Variants in PCDHGA6 observed in about 807,000 individuals in gnomAD.
The protein encoded by PCDHGA6 is protocadherin gamma-A6.
A neutral mutation model predicts 60.6 loss-of-function variants in PCDHGA6; 41 were observed. The observed-to-expected ratio is 0.68, with a 90% CI of 0.53 to 0.88. The LOEUF is 0.88. Ranked by LOEUF, PCDHGA6 falls within the 40% of genes least tolerant of loss-of-function variation. The pLI, the probability that PCDHGA6 is intolerant of heterozygous loss-of-function variation, is 0.00. For synonymous variants in PCDHGA6, 594 were observed against 524.4 expected (o/e 1.13, Z -1.81); for missense variants, 1,312 against 1,203.0 (o/e 1.09, Z -1.34).
At chr5:141,419,713 C>T in intron 1 of PCDHGA6, 1 of 1,613,264 alleles carries the variant, frequency 6.2e-7, no homozygotes, top group East Asian at 2.2e-5. Context: ...GGCTCTTCAG[C>T]CTGGGGCTGC....
In PCDHGA6 at chr5:141,432,612, C is replaced by T. The variant is rs752901891; in HGVS notation, c.2424+56105C>T. 1.9e-6 allele frequency: 3 copies of T among 1,613,912 alleles called. No individual in the cohort carries two copies. The highest frequency in any genetic ancestry group is 2.5e-6 in the Non-Finnish European group (3 of 1,179,970). On this transcript the variant is annotated intron_variant, in intron 1 of 3. Transcript: ENST00000517434. The surrounding 1 kb of genome is among the most constrained non-coding windows in gnomAD (Gnocchi z 6.0). ...AAGGCCAGCGAGCCGGGACTCTTCT[C>T]GGTGGGTCTGCACACGGGCGAGGTG...
At chr5:141,437,016 T>G (rs1025489534) in intron 1 of PCDHGA6, among the ~76,000 whole-genome samples, 1 of 152,254 alleles carries the variant, frequency 6.6e-6, no homozygotes, top group Non-Finnish European at 1.5e-5. Flanking sequence ...TTAGATAATT[T>G]CACCAGAAAA....
At chr5:141,478,044 C>T in intron 1 of PCDHGA6, 2 of 1,614,184 alleles carry the variant, frequency 1.2e-6, no homozygotes, top group South Asian at 1.1e-5. Flanking sequence ...CCCAGGCAGA[C>T]TCTCACGGTC....
intron 1 of PCDHGA6, chr5:141,415,994 C>G: frequency 6.6e-6 from 2 of 303,006 alleles, no homozygotes; most frequent in East Asian, 6.9e-5. Context: ...GTTCTGAAGG[C>G]AGGTCTGGTA....
chr5:141,409,231 C>T (rs756486864), intron 1 of PCDHGA6: 7 of 1,613,926 alleles, frequency 4.3e-6, no homozygotes, highest in Admixed American at 3.3e-5. Flanking sequence ...AAAACGACAA[C>T]AGCCCAGAAA....
chr5:141,397,695 C>T lies in PCDHGA6; in HGVS notation c.2424+21188C>T, dbSNP rs146807025. ...AATGTATGCAGGTTTGTATAAAAAC[C>T]CAACGTGATATTTCTAACAATTTGG... On this transcript the variant is annotated intron_variant, in intron 1 of 3. Coordinates refer to ENST00000517434, the MANE Select transcript of PCDHGA6 (RefSeq NM_018919.3). 1.4e-3 allele frequency among the ~76,000 whole-genome samples: 211 copies of T among 152,210 alleles called. 1 individual carries two copies. Among genetic ancestry groups the T allele is most frequent in the African/African-American group, 4.7e-3 (197 of 41,534 alleles).
chr5:141,422,807 G>C (rs199507728), intron 1 of PCDHGA6: 7 of 1,614,198 alleles, frequency 4.3e-6, no homozygotes, highest in Non-Finnish European at 5.9e-6. Context: ...GAGCAGTTTC[G>C]AGACTTAGAA....
rs191844335 is a variant in PCDHGA6 at position 141,394,289 on chromosome 5, C to A, written c.2424+17782C>A. ...ATGCCCAGGTCACTTACTCTGTGAC[C>A]GAGGACACGCTGCAGGGGGCGCCCC... On this transcript the variant is annotated intron_variant, in intron 1 of 3. Coordinates refer to ENST00000517434, the MANE Select transcript of PCDHGA6 (RefSeq NM_018919.3). The A allele has an allele frequency of 3.8e-5, 61 of 1,613,954 alleles. 1 individual carries two copies. In the African/African-American group the frequency reaches 6.0e-4, roughly 16 times the overall value.
At chr5:141,384,360 C>A in intron 1 of PCDHGA6, 1 of 1,613,902 alleles carries the variant, frequency 6.2e-7, no homozygotes, top group Non-Finnish European at 8.5e-7. Context: ...ATGCCCAGAT[C>A]ACTTATTCCT....
chr5:141,492,998 C>A (rs2154589328), intron 1 of PCDHGA6, among the ~76,000 whole-genome samples: 1 of 152,334 alleles, frequency 6.6e-6, no homozygotes, highest in Admixed American at 6.5e-5. Flanking sequence ...AGATGGAAAG[C>A]TATAGGCTCT....
At chr5:141,496,146 G>A (rs749790409) in intron 2 of PCDHGA6, among the ~76,000 whole-genome samples, 1 of 151,170 alleles carries the variant, frequency 6.6e-6, no homozygotes, top group Non-Finnish European at 1.5e-5. Flanking sequence ...GCCTTTGATC[G>A]CAGCTCTCCA....
At position 141,477,020 on chromosome 5, in the gene PCDHGA6, G is replaced by A; in HGVS notation, c.2425-17787G>A. The A allele has an allele frequency of 6.2e-7, 1 of 1,614,224 alleles. No individual in the cohort carries two copies. Among genetic ancestry groups the A allele is most frequent in the Non-Finnish European group, 8.5e-7 (1 of 1,180,048 alleles). ...ACTATTCGCCTTAGACCTTGTAACC[G>A]GGATGCTGACAATCAAGGGTCGGCT... On this transcript the variant is annotated intron_variant, in intron 1 of 3. Transcript: ENST00000517434. This position sits in a 1 kb window ranked among gnomAD's most constrained non-coding sequence, Gnocchi z 4.9.
chr5:141,413,477 C>A, intron 1 of PCDHGA6: 1 of 1,614,100 alleles, frequency 6.2e-7, no homozygotes, highest in Non-Finnish European at 8.5e-7. Flanking sequence ...GAGCTCTGCG[C>A]TCAGAGCGCG....
At chr5:141,451,880 A>G (rs1322052501) in intron 1 of PCDHGA6, among the ~76,000 whole-genome samples, 1 of 152,106 alleles carries the variant, frequency 6.6e-6, no homozygotes, top group East Asian at 1.9e-4. Flanking sequence ...AACCCTGTCA[A>G]GAAAGAAAGG....
intron 1 of PCDHGA6, chr5:141,405,012 C>T (rs748403581): frequency 1.2e-6 from 2 of 1,614,018 alleles, no homozygotes; most frequent in Non-Finnish European, 8.5e-7. Context: ...CTGGAGGCCT[C>T]AGACCTTACC....
At position 141,418,573 on chromosome 5, in the gene PCDHGA6, C is replaced by A. The variant is rs749104686; in HGVS notation, c.2424+42066C>A. 5.0e-6 allele frequency: 8 copies of A among 1,613,826 alleles called. No individual in the cohort carries two copies. The South Asian group carries it at 5.5e-5, about 11-fold the overall frequency. Reference sequence around the variant, plus strand: ...TCCTGGTAATAGATGCCAATGACAACCCCCCAGTGTTCAGCCAGGACGTGT... The same window carrying A: ...TCCTGGTAATAGATGCCAATGACAAACCCCCAGTGTTCAGCCAGGACGTGT... On this transcript the variant is annotated intron_variant, in intron 1 of 3. Transcript: ENST00000517434.
At chr5:141,387,600 A>T (rs1033182750) in intron 1 of PCDHGA6, 3 of 541,478 alleles carry the variant, frequency 5.5e-6, no homozygotes, top group Admixed American at 7.3e-5. Context: ...GAAGCAGCAG[A>T]GGCTGTAGTT....
intron 2 of PCDHGA6, among the ~76,000 whole-genome samples, chr5:141,502,382 T>C (rs1668612742): frequency 1.3e-5 from 2 of 152,088 alleles, no homozygotes; most frequent in Non-Finnish European, 2.9e-5. Context: ...CCAGGCCAGT[T>C]GTACTTTAAA....
In PCDHGA6 at chr5:141,400,247, T is replaced by C; in HGVS notation, c.2424+23740T>C. 1 of 1,614,050 alleles carries C rather than the reference T, an allele frequency of 6.2e-7. No homozygotes were observed. Among genetic ancestry groups the C allele is most frequent in the East Asian group, 2.2e-5 (1 of 44,884 alleles). ...TTCCTCCTGGCCGTGATTCTGGCCG[T>C]TGCCTTGCGCCTGCGACGCTCCTCC... On this transcript the variant is annotated intron_variant, in intron 1 of 3. Transcript: ENST00000517434.
Sources: allele counts gnomAD v4.1 joint callset (sites outside exome capture counted in the v4.1 genomes callset), GRCh38; gene constraint gnomAD v4.1.1; non-coding constraint Gnocchi (gnomAD v3.1); transcripts MANE v1.5; gene names NCBI Gene and HGNC (gene_info 2026-07-23, HGNC 2026-07-21).